NLGN1: variants seen among roughly 807,000 people sequenced by gnomAD.
The protein encoded by NLGN1 is neuroligin-1.
Under a neutral mutation model 65.5 loss-of-function variants are expected in NLGN1, and 12 were observed. That is an observed-to-expected ratio of 0.18 (90% CI 0.12 to 0.30). The LOEUF (loss-of-function observed/expected upper bound fraction) is 0.30, where lower values mean the gene tolerates loss of function less well. NLGN1 is among the 10% of genes least tolerant of loss of function. The probability of loss-of-function intolerance (pLI) is 1.00; values close to 1 mark genes in which losing one functional copy is unlikely to be tolerated. For missense variants in NLGN1, 750 were observed against 1,007.1 expected, an observed-to-expected ratio of 0.74 and a Z score of 3.46; for synonymous variants, 350 against 359.5, an observed-to-expected ratio of 0.97 and a Z score of 0.30.
chr3:173,456,781 GAGCAGT>G (rs1397547503), intron 2 of NLGN1, among the ~76,000 whole-genome samples: 1 of 152,062 alleles, frequency 6.6e-6, no homozygotes, highest in Admixed American at 6.6e-5. Context: ...AGCTTGGTGG[GAGCAGT>G]AGCTGTGAAA....
chr3:174,006,939 G>T (rs1370345972), intron 4 of NLGN1, among the ~76,000 whole-genome samples: 3 of 152,024 alleles, frequency 2.0e-5, no homozygotes, highest in Non-Finnish European at 2.9e-5. Flanking sequence ...GTGGTGGCAG[G>T]TTCCTGTAAT....
At chr3:174,075,435 T>G (rs1270417602) in intron 4 of NLGN1, among the ~76,000 whole-genome samples, 1 of 152,106 alleles carries the variant, frequency 6.6e-6, no homozygotes, top group Non-Finnish European at 1.5e-5. Context: ...GCTCCTAGAT[T>G]AGAAATAATT....
intron 1 of NLGN1, among the ~76,000 whole-genome samples, chr3:173,432,294 A>G (rs1262333118): frequency 1.3e-5 from 2 of 152,228 alleles, no homozygotes; most frequent in African/African-American, 2.4e-5. Flanking sequence ...CTTCTGTAAG[A>G]AATTACAAAA....
At chr3:174,131,796 G>A (rs1561118432) in intron 4 of NLGN1, among the ~76,000 whole-genome samples, 2 of 152,078 alleles carry the variant, frequency 1.3e-5, no homozygotes, top group Non-Finnish European at 2.9e-5. Flanking sequence ...AAATCTATAT[G>A]GTAAAATGAC....
intron 5 of NLGN1, among the ~76,000 whole-genome samples, chr3:174,277,657 G>A (rs897324034): frequency 6.6e-5 from 10 of 151,756 alleles, no homozygotes; most frequent in African/African-American, 2.4e-4. Flanking sequence ...TTATAAAGAT[G>A]TCAGAAAACC....
intron 2 of NLGN1, among the ~76,000 whole-genome samples, chr3:173,441,253 G>A (rs919369061): frequency 3.9e-5 from 6 of 152,082 alleles, no homozygotes; most frequent in South Asian, 2.1e-4. Flanking sequence ...CAGCAATAAC[G>A]CGTTGTTTTG....
chr3:173,718,491 C>T (rs913384101), intron 3 of NLGN1, among the ~76,000 whole-genome samples: 4 of 152,080 alleles, frequency 2.6e-5, no homozygotes, highest in Non-Finnish European at 5.9e-5. Context: ...ATTAGTAAAT[C>T]GATTTTATAA....
intron 2 of NLGN1, among the ~76,000 whole-genome samples, chr3:173,574,175 TTTAA>T (rs370321762): frequency 2.3e-4 from 35 of 151,916 alleles, no homozygotes; most frequent in East Asian, 1.9e-4. Flanking sequence ...TAAATTGCAG[TTTAA>T]TTACCGATTT....
chr3:174,154,999 T>A lies in NLGN1; in HGVS notation c.647-120316T>A, dbSNP rs1333707671. On this transcript the variant is annotated intron_variant, in intron 4 of 6. Transcript: ENST00000457714. ...AATATATTATATTATATATTATATA[T>A]ATTTATATATTGATATAAATATATA... Among the ~76,000 whole-genome samples the A allele has an allele frequency of 6.8e-5, 5 of 73,948 alleles. 1 individual carries two copies. Among genetic ancestry groups the A allele is most frequent in the African/African-American group, 2.4e-4 (3 of 12,716 alleles). 48.5% of individuals were successfully genotyped at this position (73,948 alleles called of 152,430 possible).
chr3:174,049,392 T>A (rs752278993), intron 4 of NLGN1, among the ~76,000 whole-genome samples: 3 of 152,020 alleles, frequency 2.0e-5, no homozygotes, highest in African/African-American at 4.8e-5. Context: ...GTGACAGTTA[T>A]AGATAGGACA....
chr3:173,454,995 G>A (rs1419635311), intron 2 of NLGN1, among the ~76,000 whole-genome samples: 4 of 152,118 alleles, frequency 2.6e-5, no homozygotes, highest in Admixed American at 2.6e-4. Flanking sequence ...CGGAAGGAGA[G>A]AGACTTGAGA....
intron 3 of NLGN1, among the ~76,000 whole-genome samples, chr3:173,715,795 T>C (rs977699446): frequency 6.6e-6 from 1 of 152,180 alleles, no homozygotes; most frequent in Non-Finnish European, 1.5e-5. Context: ...CAAACTGCTT[T>C]AGTTGATAGT....
intron 2 of NLGN1, among the ~76,000 whole-genome samples, chr3:173,591,970 CTT>C (rs1312529950): frequency 1.3e-5 from 2 of 152,160 alleles, no homozygotes; most frequent in Non-Finnish European, 2.9e-5. Context: ...CTTCTGAGCT[CTT>C]GAGTGATTAT....
At position 174,160,645 on chromosome 3, in the gene NLGN1, C is replaced by T. The variant is rs990249388; in HGVS notation, c.647-114670C>T. Among the ~76,000 whole-genome samples, 61 of 150,780 alleles carry T rather than the reference C, an allele frequency of 4.0e-4. No homozygotes were observed. The Middle Eastern group carries it at 0.01, about 26-fold the overall frequency. ...TTTTCTTTCTCCTCTAAATATTTAT[C>T]TTGTCTCCTTCCTATATAATATATA... On this transcript the variant is annotated intron_variant, in intron 4 of 6. Coordinates refer to ENST00000457714, the Ensembl canonical transcript of NLGN1.
rs1351829850 is a variant in NLGN1, at chr3:174,285,918, A to G, written c.*4615A>G. On this transcript the variant is annotated 3_prime_UTR_variant, in exon 7 of 7. Coordinates refer to ENST00000457714, the Ensembl canonical transcript of NLGN1. ...TTTTACATTTAATTTGATTTTTAAA[A>G]TAATATCAGATGCATCTAAATGGCT... is the stretch of plus-strand genomic sequence containing the variant. 2.0e-5 allele frequency: 3 copies of G among 151,476 alleles called. No homozygotes were observed. The East Asian group carries it at 5.8e-4, about 29-fold the overall frequency. The allele number at this position is 151,476 out of a possible 1,614,324, so 9.4% of individuals were successfully genotyped here.
intron 4 of NLGN1, among the ~76,000 whole-genome samples, chr3:174,010,909 A>G (rs771542739): frequency 2.0e-5 from 3 of 152,148 alleles, no homozygotes; most frequent in Non-Finnish European, 4.4e-5. Context: ...TCAAGGTCAA[A>G]GAGGGATTTC....
intron 4 of NLGN1, among the ~76,000 whole-genome samples, chr3:173,827,990 A>G (rs1311535210): frequency 6.6e-6 from 1 of 152,070 alleles, no homozygotes; most frequent in Non-Finnish European, 1.5e-5. Flanking sequence ...ACCCTCACAG[A>G]CAACACCTGG....
intron 4 of NLGN1, among the ~76,000 whole-genome samples, chr3:173,827,348 T>C (rs1721544610): frequency 6.6e-6 from 1 of 152,000 alleles, no homozygotes; most frequent in Non-Finnish European, 1.5e-5. Flanking sequence ...GGGAACAAAA[T>C]TGCTTCTGTT....
At chr3:173,400,238 C>A (rs943884009) in intron 1 of NLGN1, among the ~76,000 whole-genome samples, 3 of 152,102 alleles carry the variant, frequency 2.0e-5, no homozygotes, top group Non-Finnish European at 4.4e-5. Flanking sequence ...AAAGTCCAGT[C>A]TTCTAGACTT....
Sources: gnomAD v4.1 joint callset for allele counts (sites outside exome capture counted in the v4.1 genomes callset) on GRCh38, gnomAD v4.1.1 for gene constraint, MANE v1.5 for transcripts, NCBI Gene and HGNC (gene_info 2026-07-23, HGNC 2026-07-21) for gene names.